The following CDK17 variants were observed in gnomAD, a reference collection of about 807,000 sequenced individuals.
CDK17 encodes the protein cyclin dependent kinase 17, also known as cyclin-dependent kinase 17.
A neutral mutation model predicts 77.6 loss-of-function variants in CDK17; 24 were observed. The observed-to-expected ratio is 0.31, with a 90% confidence interval of 0.22 to 0.44. The LOEUF is 0.44. Among genes scored for constraint, CDK17 ranks in the 20% least tolerant of loss-of-function variants. CDK17 has a pLI of 1.00. For synonymous variants in CDK17, 203 were observed against 210.4 expected (o/e 0.96, Z 0.30); for missense variants, 429 against 622.5 (o/e 0.69, Z 3.31).
intron 1 of CDK17, among the ~76,000 whole-genome samples, chr12:96,347,049 A>G (rs1953225022): frequency 6.6e-6 from 1 of 152,234 alleles, no homozygotes; most frequent in South Asian, 2.1e-4. Context: ...CAGACAAAAC[A>G]GAGTATGATA....
chr12:96,384,152 AT>A (rs772796006), intron 1 of CDK17, among the ~76,000 whole-genome samples: 7 of 152,240 alleles, frequency 4.6e-5, no homozygotes, highest in Non-Finnish European at 1.0e-4. Context: ...CATGAAAAAA[AT>A]GTTCAACATT....
rs1202696188 is a variant in CDK17 at position 96,308,663 on chromosome 12, G to GAA, written c.543+2388_543+2389insTT. 2.0e-5 allele frequency among the ~76,000 whole-genome samples: 3 copies of GAA among 150,848 alleles called. No homozygotes were observed. In the East Asian group the frequency reaches 5.8e-4, roughly 29 times the overall value. ...AGAATCGCTTGAACCCGGGGAGGCA[G>GAA]ACTGCAGTGAGCCAAAATTGCACCA... On this transcript the variant is annotated intron_variant, in intron 5 of 16. Coordinates refer to ENST00000261211, the MANE Select transcript of CDK17 (RefSeq NM_002595.5).
chr12:96,301,593 A>C (rs1287460651), intron 5 of CDK17, among the ~76,000 whole-genome samples: 1 of 152,204 alleles, frequency 6.6e-6, no homozygotes, highest in Non-Finnish European at 1.5e-5. Context: ...GATAATCTAA[A>C]GAAAGATCCA....
rs186943079 is a variant in CDK17 at position 96,327,688 on chromosome 12, T to C, written c.119-3576A>G. On this transcript the variant is annotated intron_variant, in intron 2 of 16. Coordinates refer to ENST00000261211, the MANE Select transcript of CDK17 (RefSeq NM_002595.5). ...TCATCCTCCCCACCATAGCTGGGAC[T>C]ACAGGCACACACCATCACACCTGGC... 2.9e-3 allele frequency among the ~76,000 whole-genome samples: 443 copies of C among 152,142 alleles called. 3 individuals carry two copies. The highest frequency in any genetic ancestry group is 4.8e-3 in the Non-Finnish European group (329 of 67,982).
chr12:96,351,295 C>A (rs1953308201), intron 1 of CDK17, among the ~76,000 whole-genome samples: 1 of 140,722 alleles, frequency 7.1e-6, no homozygotes, highest in South Asian at 2.3e-4. Flanking sequence ...TATGACCCAG[C>A]AACTCTACTC....
intron 1 of CDK17, among the ~76,000 whole-genome samples, chr12:96,382,280 A>G (rs575444691): frequency 1.1e-4 from 17 of 151,770 alleles, no homozygotes; most frequent in African/African-American, 3.9e-4. Flanking sequence ...GAAACACACA[A>G]CCTCCCAAGA....
At chr12:96,306,428 T>A (rs544813177) in intron 5 of CDK17, among the ~76,000 whole-genome samples, 6 of 150,660 alleles carry the variant, frequency 4.0e-5, no homozygotes, top group South Asian at 2.1e-4. Flanking sequence ...AAAAAAAAAA[T>A]TATATATATA....
chr12:96,399,278 C>T (rs1404614514), intron 1 of CDK17: 1 of 152,590 alleles, frequency 6.6e-6, no homozygotes, highest in Non-Finnish European at 1.5e-5. Flanking sequence ...GGAGACAGCA[C>T]TAGGCACCCT....
In CDK17 at chr12:96,371,968, G is replaced by A. The variant is rs537367012; in HGVS notation, c.-30+28018C>T. On this transcript the variant is annotated intron_variant, in intron 1 of 16. Transcript: ENST00000261211. ...GAATTTGCTTATCATGTTAAAAAGA[G>A]GGGGGACGGAGAGAGAGAGACAGTG... is the stretch of plus-strand genomic sequence containing the variant. 8.2e-5 allele frequency among the ~76,000 whole-genome samples: 12 copies of A among 146,348 alleles called. No individual in the cohort carries two copies. In the East Asian group the frequency reaches 2.2e-3, roughly 27 times the overall value.
intron 8 of CDK17, 87 bp from the exon 9 acceptor site, chr12:96,297,419 T>A: frequency 1.1e-6 from 1 of 930,298 alleles, no homozygotes; most frequent in Non-Finnish European, 1.7e-6. Flanking sequence ...CAAAATTAGT[T>A]GTTTTTCAAG....
chr12:96,337,962 C>T (rs1357045322), intron 1 of CDK17, among the ~76,000 whole-genome samples: 1 of 152,184 alleles, frequency 6.6e-6, no homozygotes, highest in Non-Finnish European at 1.5e-5. Context: ...AAGAGTGTCT[C>T]TACATAACTG....
chr12:96,308,316 T>C (rs776456790), intron 5 of CDK17, among the ~76,000 whole-genome samples: 2 of 150,656 alleles, frequency 1.3e-5, no homozygotes. Context: ...GAGCCTGACA[T>C]GTGAGGATTG....
intron 1 of CDK17, among the ~76,000 whole-genome samples, chr12:96,359,514 T>A (rs894990241): frequency 1.3e-5 from 2 of 152,202 alleles, no homozygotes; most frequent in Non-Finnish European, 2.9e-5. Flanking sequence ...AAAGTGTCCA[T>A]CTGGGGTATT....
chr12:96,298,646 T>C (rs371699781), intron 7 of CDK17, among the ~76,000 whole-genome samples: 29 of 152,348 alleles, frequency 1.9e-4, no homozygotes, highest in South Asian at 1.2e-3. Flanking sequence ...CTATGACAAA[T>C]AGTTGTCTAT....
chr12:96,382,900 T>C (rs956002844), intron 1 of CDK17, among the ~76,000 whole-genome samples: 1 of 152,032 alleles, frequency 6.6e-6, no homozygotes, highest in African/African-American at 2.4e-5. Context: ...TTCAACATAG[T>C]ACTTGAAAGT....
chr12:96,385,002 T>C (rs1953949361), intron 1 of CDK17, among the ~76,000 whole-genome samples: 2 of 147,280 alleles, frequency 1.4e-5, no homozygotes, highest in African/African-American at 2.5e-5. Context: ...AGCAAGACCC[T>C]TTCTCAAGGG....
At chr12:96,391,731 C>T (rs1954071887) in intron 1 of CDK17, among the ~76,000 whole-genome samples, 1 of 152,086 alleles carries the variant, frequency 6.6e-6, no homozygotes, top group Non-Finnish European at 1.5e-5. Context: ...TCTTTGAAGG[C>T]CACACCCCTT....
chr12:96,349,383 G>A (rs928540912), intron 1 of CDK17, among the ~76,000 whole-genome samples: 1 of 151,960 alleles, frequency 6.6e-6, no homozygotes, highest in Non-Finnish European at 1.5e-5. Flanking sequence ...AACCCAGGAG[G>A]GGGAGGTTGC....
chr12:96,353,513 C>T (rs768616969), intron 1 of CDK17, among the ~76,000 whole-genome samples: 1 of 151,508 alleles, frequency 6.6e-6, no homozygotes, highest in Non-Finnish European at 1.5e-5. Flanking sequence ...GTAAAGAATG[C>T]CACTGCCATT....
Sources: gnomAD v4.1 joint callset for allele counts (sites outside exome capture counted in the v4.1 genomes callset) on GRCh38, gnomAD v4.1.1 for gene constraint, MANE v1.5 for transcripts, NCBI Gene and HGNC (gene_info 2026-07-23, HGNC 2026-07-21) for gene names.